The following GPHN variants were observed in gnomAD, a reference collection of about 807,000 sequenced individuals.
The protein encoded by GPHN is gephyrin.
Under a neutral mutation model 95.5 loss-of-function variants are expected in GPHN, and 17 were observed. The observed-to-expected ratio is 0.18, with a 90% confidence interval of 0.12 to 0.27. The LOEUF (loss-of-function observed/expected upper bound fraction) is 0.27. GPHN is among the 10% of genes least tolerant of loss of function. GPHN has a pLI of 1.00. For missense variants in GPHN, 660 were observed against 978.1 expected, an observed-to-expected ratio of 0.67 and a Z score of 4.34; for synonymous variants, 320 against 322.5, an observed-to-expected ratio of 0.99 and a Z score of 0.08.
chr14:67,580,907 T>C, the GPHN span: 9 of 1,444,338 alleles, frequency 6.2e-6, no homozygotes, highest in East Asian at 6.8e-5. Context: ...TATCAGGAAA[T>C]TTTCTGACTT....
chr14:67,068,831 C>T (rs895742284), intron 11 of GPHN, among the ~76,000 whole-genome samples: 1 of 152,102 alleles, frequency 6.6e-6, no homozygotes, highest in Non-Finnish European at 1.5e-5. Flanking sequence ...GCACATGTTC[C>T]CGTCTCTGAC....
At chr14:67,590,747 C>T in the GPHN span, among the ~76,000 whole-genome samples, 1 of 152,172 alleles carries the variant, frequency 6.6e-6, no homozygotes, top group African/African-American at 2.4e-5. Flanking sequence ...GGCCTCAGCA[C>T]ACCTTGCTGG....
At chr14:66,771,941 C>T (rs556918469) in intron 2 of GPHN, among the ~76,000 whole-genome samples, 3 of 152,148 alleles carry the variant, frequency 2.0e-5, no homozygotes, top group South Asian at 4.2e-4. Flanking sequence ...ACTTTTATTT[C>T]TCCTAGGAGC....
chr14:66,897,895 T>C (rs2064938493), intron 5 of GPHN, among the ~76,000 whole-genome samples: 1 of 152,118 alleles, frequency 6.6e-6, no homozygotes, highest in South Asian at 2.1e-4. Context: ...ACCAACAATA[T>C]ATGAGTGTGT....
At chr14:67,418,855 C>T in the GPHN span, among the ~76,000 whole-genome samples, 2 of 152,308 alleles carry the variant, frequency 1.3e-5, no homozygotes, top group East Asian at 3.9e-4. Context: ...TGAAACCTAC[C>T]TCCCTGTTCC....
chr14:66,515,038 C>T (rs1433619819), intron 1 of GPHN, among the ~76,000 whole-genome samples: 1 of 152,028 alleles, frequency 6.6e-6, no homozygotes, highest in Non-Finnish European at 1.5e-5. Context: ...ACAAAGTTTT[C>T]AGAACTAATA....
At chr14:67,203,209 T>C in the GPHN span, 4 of 1,613,908 alleles carry the variant, frequency 2.5e-6, no homozygotes, top group South Asian at 4.4e-5. Flanking sequence ...CTGGCCCATC[T>C]GACACCTGGT....
At chr14:67,330,430 T>G in the GPHN span, among the ~76,000 whole-genome samples, 77 of 151,670 alleles carry the variant, frequency 5.1e-4, no homozygotes, top group Admixed American at 1.3e-3. Context: ...ACCATTTTGT[T>G]AGAAGTATTT....
At chr14:67,183,347 A>G (rs557654933), downstream of GPHN, among the ~76,000 whole-genome samples, 3 of 152,252 alleles carry the variant, frequency 2.0e-5, no homozygotes, top group South Asian at 6.2e-4. Context: ...AAAACACATT[A>G]TGTAGAACTT....
the GPHN span, among the ~76,000 whole-genome samples, chr14:67,651,946 T>C: frequency 2.0e-5 from 3 of 152,208 alleles, no homozygotes; most frequent in Non-Finnish European, 4.4e-5. Flanking sequence ...AAAGGTAGTA[T>C]AGGAGCTTAA....
the GPHN span, chr14:67,316,963 T>C: frequency 1.5e-6 from 2 of 1,338,248 alleles, no homozygotes; most frequent in Non-Finnish European, 2.1e-6. Context: ...TGGAGCCATG[T>C]GTGAATCTGC....
At chr14:67,213,535 G>A in the GPHN span, among the ~76,000 whole-genome samples, 1 of 151,728 alleles carries the variant, frequency 6.6e-6, no homozygotes, top group Admixed American at 6.6e-5. Flanking sequence ...TGGTGTATAT[G>A]TGCCACATTT....
chr14:67,299,984 T>C, the GPHN span, among the ~76,000 whole-genome samples: 32 of 152,158 alleles, frequency 2.1e-4, no homozygotes, highest in African/African-American at 7.7e-4. Context: ...AAAGGGAAAA[T>C]ACCCTCTTTT....
At chr14:66,709,355 A>C in intron 2 of GPHN, 1 of 456,020 alleles carries the variant, frequency 2.2e-6, no homozygotes. Flanking sequence ...TTTTATCCAC[A>C]GGGGATAAAT....
chr14:67,191,706 C>T, the GPHN span, among the ~76,000 whole-genome samples: 1 of 152,198 alleles, frequency 6.6e-6, no homozygotes, highest in East Asian at 1.9e-4. Flanking sequence ...GATAGGGAAG[C>T]CCTGACGACA....
intron 1 of GPHN, among the ~76,000 whole-genome samples, chr14:66,626,448 G>T (rs1051299889): frequency 7.2e-5 from 11 of 152,034 alleles, no homozygotes; most frequent in Non-Finnish European, 1.5e-4. Flanking sequence ...TTCACCGAAG[G>T]ATGAAGATTT....
chr14:66,970,245 C>T lies in GPHN; in HGVS notation c.963+4920C>T, dbSNP rs114672733. Among the ~76,000 whole-genome samples the T allele has an allele frequency of 7.0e-3, 1,069 of 152,152 alleles. 5 individuals carry two copies. The highest frequency in any genetic ancestry group is 0.025 in the African/African-American group (1,021 of 41,492). ...ACCTTTAATCCACTAATGTCTAATA[C>T]TATATTCAAACAAAATATGTAATTA... is the stretch of plus-strand genomic sequence containing the variant. On this transcript the variant is annotated intron_variant, in intron 9 of 22. Transcript: ENST00000478722.
chr14:67,481,248 A>T, the GPHN span, among the ~76,000 whole-genome samples: 6 of 152,132 alleles, frequency 3.9e-5, no homozygotes, highest in Non-Finnish European at 8.8e-5. Context: ...GTGCCACTGC[A>T]CTCCAGCATG....
chr14:67,619,456 G>A, the GPHN span, among the ~76,000 whole-genome samples: 23 of 152,278 alleles, frequency 1.5e-4, no homozygotes, highest in African/African-American at 5.1e-4. Context: ...GTGTTTCCTG[G>A]GCTTTGAGCT....
Sources: gnomAD v4.1 joint callset for allele counts (sites outside exome capture counted in the v4.1 genomes callset) on GRCh38, gnomAD v4.1.1 for gene constraint, MANE v1.5 for transcripts, NCBI Gene and HGNC (gene_info 2026-07-23, HGNC 2026-07-21) for gene names.